Variants in OR52K1 observed in about 807,000 individuals in gnomAD.
The protein encoded by OR52K1 is olfactory receptor 52K1.
In OR52K1, 10 loss-of-function variants were observed where a neutral mutation model predicts 8.7. That is an observed-to-expected ratio of 1.15 (90% CI 0.71 to 1.95). The LOEUF is 1.95. Ranked by LOEUF, OR52K1 falls within the 30% of genes most tolerant of loss-of-function variation. The pLI, the probability that OR52K1 is intolerant of heterozygous loss-of-function variation, is 0.00. For missense variants in OR52K1, 431 were observed against 397.2 expected (o/e 1.08, Z -0.72); for synonymous variants, 203 against 148.5 (o/e 1.37, Z -2.67).
intron 1 of OR52K1, among the ~76,000 whole-genome samples, chr11:4,486,660 A>C (rs1589809543): frequency 6.6e-6 from 1 of 152,190 alleles, no homozygotes. Flanking sequence ...ACTTTGTATA[A>C]TATGTAATTT....
chr11:4,485,688 T>C lies in OR52K1; in HGVS notation c.-329+2512T>C, dbSNP rs1479338606. On this transcript the variant is annotated intron_variant, in intron 1 of 1. Coordinates refer to ENST00000641528, the MANE Select transcript of OR52K1 (RefSeq NM_001005171.3). ...TTCCTGCAATAGTCTCCAGGTACTT[T>C]CCCCCAATTCTACCCTTCCCTCTTT... Among the ~76,000 whole-genome samples, 4 of 152,196 alleles carry C rather than the reference T, an allele frequency of 2.6e-5. No homozygotes were observed. In the East Asian group the frequency reaches 5.8e-4, roughly 22 times the overall value.
intron 1 of OR52K1, among the ~76,000 whole-genome samples, chr11:4,483,730 G>A (rs1846298474): frequency 6.7e-6 from 1 of 150,100 alleles, no homozygotes; most frequent in South Asian, 2.1e-4. Flanking sequence ...AGTAAAACAT[G>A]TGGGTTTTGT....
chr11:4,484,813 C>T (rs1340739400), intron 1 of OR52K1, among the ~76,000 whole-genome samples: 1 of 142,012 alleles, frequency 7.0e-6, no homozygotes, highest in Non-Finnish European at 1.5e-5. Context: ...AGACATGATA[C>T]TTCTGTTCTA....
At position 4,489,307 on chromosome 11, in the gene OR52K1, C is replaced by T. The variant is rs141250648; in HGVS notation, c.407C>T (p.Thr136Met). ...ATCTGCAAGCCATTGCACTACACGACGGTCCTGACTGGGTCCCTCATCACC... is the reference window on the plus strand; with the variant it reads ...ATCTGCAAGCCATTGCACTACACGATGGTCCTGACTGGGTCCCTCATCACC... ...VAICKPLHYT[T>M]VLTGSLITKI... The change falls in exon 2 of 2, where the codon ACG (threonine) becomes ATG (methionine). Residue 136 changes from threonine (T) to methionine (M), a missense_variant. Thr to Met is a moderately conservative substitution (Grantham distance 81). Coordinates refer to ENST00000641528, the MANE Select transcript of OR52K1 (RefSeq NM_001005171.3). 3.2e-4 allele frequency: 512 copies of T among 1,614,208 alleles called. 1 individual carries two copies. In the East Asian group the frequency reaches 7.2e-3, roughly 23 times the overall value.
chr11:4,486,408 C>T (rs1382364339), intron 1 of OR52K1, among the ~76,000 whole-genome samples: 2 of 152,164 alleles, frequency 1.3e-5, no homozygotes, highest in Admixed American at 6.5e-5. Context: ...TTTCCTGTTC[C>T]ACTCCTTCAT....
At position 4,488,738 on chromosome 11, in the gene OR52K1, T is replaced by G. The variant is rs1846340225; in HGVS notation, c.-163T>G. 3.3e-6 allele frequency: 2 copies of G among 607,826 alleles called. No homozygotes were observed. Among genetic ancestry groups the G allele is most frequent in the Admixed American group, 6.1e-5 (2 of 32,862 alleles). 37.7% of individuals were successfully genotyped at this position (607,826 alleles called of 1,614,324 possible). On this transcript the variant is annotated 5_prime_UTR_variant, in exon 2 of 2. An upstream start codon of the reference 5' UTR is lost. Transcript: ENST00000641528. Reference sequence around the variant, plus strand: ...TATGGATTATACTTCTCCATGTCTATGAAGGCTGCTAGGTTATTTTGTTTA... The same window carrying G: ...TATGGATTATACTTCTCCATGTCTAGGAAGGCTGCTAGGTTATTTTGTTTA...
At chr11:4,485,371 A>G (rs7118926) in intron 1 of OR52K1, among the ~76,000 whole-genome samples, 8,177 of 152,114 alleles carry the variant, frequency 0.054, 650 homozygotes, top group African/African-American at 0.17. Flanking sequence ...TTTATTTTCT[A>G]TACGTATTAC....
At position 4,489,516 on chromosome 11, in the gene OR52K1, ATGT is replaced by A; in HGVS notation, c.618_620del (p.Met206_Phe207delinsIle). 1 of 1,614,154 alleles carries A rather than the reference ATGT, an allele frequency of 6.2e-7. No individual in the cohort carries two copies. Among genetic ancestry groups the A allele is most frequent in the South Asian group, 1.1e-5 (1 of 91,076 alleles). On this transcript the variant is annotated inframe_deletion, in exon 2 of 2. Transcript: ENST00000641528. ...CAATATCTATGGCATTGCTGTGGCCATGTTTATTGTGGTGTTGGACCTGCTCTT... is the reference window on the plus strand; with the variant it reads ...CAATATCTATGGCATTGCTGTGGCCATTATTGTGGTGTTGGACCTGCTCTT...
chr11:4,483,964 C>A (rs1846300666), intron 1 of OR52K1, among the ~76,000 whole-genome samples: 1 of 152,190 alleles, frequency 6.6e-6, no homozygotes, highest in South Asian at 2.1e-4. Context: ...TATTCTGATG[C>A]AGGTAACAAA....
chr11:4,489,804 CGTGA>C lies in OR52K1; in HGVS notation c.907_910del (p.Glu303MetfsTer32), dbSNP rs747662576. 5 of 1,613,068 alleles carry C rather than the reference CGTGA, an allele frequency of 3.1e-6. No individual in the cohort carries two copies. The highest frequency in any genetic ancestry group is 4.2e-6 in the Non-Finnish European group (5 of 1,179,396). On this transcript the variant is annotated frameshift_variant, in exon 2 of 2. Coordinates refer to ENST00000641528, the MANE Select transcript of OR52K1 (RefSeq NM_001005171.3). LOFTEE classifies it high-confidence loss of function. ...ATATGGAGTCAAGACCAAGCAGATT[CGTGA>C]GTATGTGCTCAGTCTATTCCAGAGA...
chr11:4,484,382 T>C (rs373933078), intron 1 of OR52K1, among the ~76,000 whole-genome samples: 6 of 152,184 alleles, frequency 3.9e-5, no homozygotes, highest in Non-Finnish European at 5.9e-5. Context: ...AGATTTACTA[T>C]GTAGGATGAT....
At position 4,490,982 on chromosome 11, in the gene OR52K1, C is replaced by T. The variant is rs554104488; in HGVS notation, c.*1137C>T. 8 of 152,210 alleles carry T rather than the reference C, an allele frequency of 5.3e-5. No homozygotes were observed. The South Asian group carries it at 1.0e-3, about 20-fold the overall frequency. 9.4% of individuals were successfully genotyped at this position (152,210 alleles called of 1,614,324 possible). A position where few individuals can be genotyped will look rare whatever the true frequency, so the allele number is the denominator to read the frequency against. ...CCATATAGCTTAGGTGTATAGCAAG[C>T]GATACCATCTAGGTTTGTGTAAATA... is the stretch of plus-strand genomic sequence containing the variant. On this transcript the variant is annotated 3_prime_UTR_variant, in exon 2 of 2. Transcript: ENST00000641528.
rs763734995 is a variant in OR52K1, at chr11:4,489,436, G to A, written c.536G>A (p.Cys179Tyr). 3 of 1,614,204 alleles carry A rather than the reference G, an allele frequency of 1.9e-6. No homozygotes were observed. In the East Asian group the frequency reaches 6.7e-5, roughly 36 times the overall value. ...TGCCGAGGCCCAGTGATTGCCCATT[G>A]CTACTGTGAACACATGGCTGTGGTA... is the stretch of plus-strand genomic sequence containing the variant. ...HYCRGPVIAH[C>Y]YCEHMAVVRL... Residue 179 changes from cysteine to tyrosine, a missense_variant, in exon 2 of 2, where the codon TGC (cysteine) becomes TAC (tyrosine). Physicochemically the swap from Cys to Tyr is radical, Grantham distance 194. Transcript: ENST00000641528.
intron 1 of OR52K1, among the ~76,000 whole-genome samples, chr11:4,485,377 A>G (rs1564831509): frequency 6.6e-6 from 1 of 152,046 alleles, no homozygotes; most frequent in Non-Finnish European, 1.5e-5. Flanking sequence ...TTCTATACGT[A>G]TTACCATATT....
In OR52K1 at chr11:4,491,293, G is replaced by A. The variant is rs1466156237; in HGVS notation, c.*1448G>A. On this transcript the variant is annotated 3_prime_UTR_variant, in exon 2 of 2. Coordinates refer to ENST00000641528, the MANE Select transcript of OR52K1 (RefSeq NM_001005171.3). ...AGTTTATTAAAAAAAACAGATGCTA[G>A]TGAGGTTGTAGAGAAAAGGAAACAC... 1.3e-5 allele frequency: 2 copies of A among 152,182 alleles called. No individual in the cohort carries two copies. The highest frequency in any genetic ancestry group is 2.9e-5 in the Non-Finnish European group (2 of 68,026). The allele number at this position is 152,182 out of a possible 1,614,324, so 9.4% of individuals were successfully genotyped here. A position where few individuals can be genotyped will look rare whatever the true frequency, so the allele number is the denominator to read the frequency against.
intron 1 of OR52K1, 44 bp from the exon 2 acceptor site, chr11:4,488,529 C>T (rs2133106921): frequency 5.2e-6 from 1 of 190,940 alleles, no homozygotes; most frequent in Non-Finnish European, 1.1e-5. Context: ...AATGTATGTG[C>T]TAAAGAAATG....
In OR52K1 at chr11:4,488,934, G is replaced by C. The variant is rs1235712659; in HGVS notation, c.34G>C (p.Ala12Pro). Residue 12 changes from alanine to proline, a missense_variant, in exon 2 of 2, where the codon GCT (alanine) becomes CCT (proline). Ala to Pro is a conservative substitution (Grantham distance 27). Transcript: ENST00000641528. ...CTCTAATATCACCTCAACACATCCAGCTGTCTTTTTGTTGGTAGGAATTCC... is the reference window on the plus strand; with the variant it reads ...CTCTAATATCACCTCAACACATCCACCTGTCTTTTTGTTGGTAGGAATTCC... ...LPSNITSTHP[A>P]VFLLVGIPGL... The C allele has an allele frequency of 2.5e-6, 4 of 1,613,902 alleles. No homozygotes were observed. Among genetic ancestry groups the C allele is most frequent in the Non-Finnish European group, 3.4e-6 (4 of 1,179,946 alleles).
intron 1 of OR52K1, among the ~76,000 whole-genome samples, chr11:4,486,371 G>C (rs1303315993): frequency 6.6e-6 from 1 of 152,156 alleles, no homozygotes; most frequent in Non-Finnish European, 1.5e-5. Flanking sequence ...ATCCATCTCA[G>C]TAAGGCAACT....
chr11:4,488,979 G>T lies in OR52K1; in HGVS notation c.79G>T (p.Ala27Ser), dbSNP rs1458077360. The T allele has an allele frequency of 1.9e-6, 3 of 1,614,138 alleles. No homozygotes were observed. The highest frequency in any genetic ancestry group is 3.3e-5 in the Admixed American group (2 of 60,030). Residue 27 changes from alanine to serine, a missense_variant, in exon 2 of 2, where the codon GCC (alanine) becomes TCC (serine). Physicochemically the swap from Ala to Ser is moderately conservative, Grantham distance 99 (BLOSUM62 1). Coordinates refer to ENST00000641528, the MANE Select transcript of OR52K1 (RefSeq NM_001005171.3). ...AATTCCTGGTTTGGAACACCTGCATGCCTGGATCTCCATCCCCTTCTGCTT... is the reference window on the plus strand; with the variant it reads ...AATTCCTGGTTTGGAACACCTGCATTCCTGGATCTCCATCCCCTTCTGCTT... ...VGIPGLEHLH[A>S]WISIPFCFAY... is the part of the protein sequence containing the mutation.
Sources: allele counts gnomAD v4.1 joint callset (sites outside exome capture counted in the v4.1 genomes callset), GRCh38; gene constraint gnomAD v4.1.1; transcripts MANE v1.5; gene names NCBI Gene and HGNC (gene_info 2026-07-23, HGNC 2026-07-21).